KCNQ1: variants seen among roughly 807,000 people sequenced by gnomAD.
KCNQ1 encodes the protein potassium voltage-gated channel subfamily KQT member 1.
KCNQ1 carries 49 observed loss-of-function variants against 72.4 expected under a neutral mutation model. That is an observed-to-expected ratio of 0.68 (90% CI 0.54 to 0.86). The LOEUF (loss-of-function observed/expected upper bound fraction) is 0.86. Ranked by LOEUF, KCNQ1 falls within the 40% of genes least tolerant of loss-of-function variation. KCNQ1 has a pLI of 0.00. For synonymous variants in KCNQ1, 450 were observed against 412.6 expected, an observed-to-expected ratio of 1.09 and a Z score of -1.10; for missense variants, 790 against 945.1, an observed-to-expected ratio of 0.84 and a Z score of 2.15.
chr11:2,582,230 C>A (rs773739575), intron 6 of KCNQ1, among the ~76,000 whole-genome samples: 4 of 152,218 alleles, frequency 2.6e-5, no homozygotes, highest in Non-Finnish European at 5.9e-5. Context: ...CCTCTCTGTC[C>A]GCGTGTGCGC....
chr11:2,797,571 C>T (rs534234720), intron 15 of KCNQ1, among the ~76,000 whole-genome samples: 1 of 152,272 alleles, frequency 6.6e-6, no homozygotes, highest in African/African-American at 2.4e-5. Flanking sequence ...TGCTCCGGAG[C>T]TCGAGGGCCC....
chr11:2,696,865 A>G, intron 11 of KCNQ1: 2 of 398,554 alleles, frequency 5.0e-6, no homozygotes, highest in Non-Finnish European at 8.8e-6. Flanking sequence ...TGCTATTGGC[A>G]TAAAGAAATG....
rs1417333537 is a variant in KCNQ1, at chr11:2,781,213, A to G, written c.1794+3176A>G. Among the ~76,000 whole-genome samples, 2 of 152,168 alleles carry G rather than the reference A, an allele frequency of 1.3e-5. No homozygotes were observed. The highest frequency in any genetic ancestry group is 2.9e-5 in the Non-Finnish European group (2 of 68,024). ...CTGGAGAGGACTCTTATTTGCTCAA[A>G]TGCCCACATAAATCCTCTTTTACAG... is the stretch of plus-strand genomic sequence containing the variant. On this transcript the variant is annotated intron_variant, in intron 15 of 15. Transcript: ENST00000155840. The surrounding 1 kb of genome is among the most constrained non-coding windows in gnomAD (Gnocchi z 6.6).
At chr11:2,525,444 G>A (rs991809971) in intron 1 of KCNQ1, among the ~76,000 whole-genome samples, 1 of 152,268 alleles carries the variant, frequency 6.6e-6, no homozygotes, top group Non-Finnish European at 1.5e-5. Context: ...AGACAGATGA[G>A]AGCAGGGGTG....
In KCNQ1 at chr11:2,496,495, C is replaced by CTTTTTTTTTTTTTTTTTTTTTTTTTTTTT; in HGVS notation, c.387-31408_387-31407insTTTTTTTTTTTTTTTTTTTTTTTTTTTTT. On this transcript the variant is annotated intron_variant, in intron 1 of 15. Coordinates refer to ENST00000155840, the MANE Select transcript of KCNQ1 (RefSeq NM_000218.3). Reference sequence around the variant, plus strand: ...AAAATGGCTAGGATCACAACCCCTGCTTTTTTTTTTTTTTTTTTTTTTTTT... The same window carrying CTTTTTTTTTTTTTTTTTTTTTTTTTTTTT: ...AAAATGGCTAGGATCACAACCCCTGCTTTTTTTTTTTTTTTTTTTTTTTTTTTTTTTTTTTTTTTTTTTTTTTTTTTTTT... 4.2e-3 allele frequency among the ~76,000 whole-genome samples: 124 copies of CTTTTTTTTTTTTTTTTTTTTTTTTTTTTT among 29,842 alleles called. 39 individuals carry two copies. Among genetic ancestry groups the CTTTTTTTTTTTTTTTTTTTTTTTTTTTTT allele is most frequent in the East Asian group, 0.011 (8 of 698 alleles). The allele number at this position is 29,842 out of a possible 152,430, so 19.6% of individuals were successfully genotyped here. A position where few individuals can be genotyped will look rare whatever the true frequency, so the allele number is the denominator to read the frequency against.
chr11:2,677,127 ATCCCTCCCTATTGAACAC>A lies in KCNQ1; in HGVS notation c.1514+15048_1514+15065del. On this transcript the variant is annotated intron_variant, in intron 11 of 15. Coordinates refer to ENST00000155840, the MANE Select transcript of KCNQ1 (RefSeq NM_000218.3). The surrounding 1 kb of genome is among the most constrained non-coding windows in gnomAD (Gnocchi z 4.5). ...CTTATGAAATTAGTTTCCCTGAAAC[ATCCCTCCCTATTGAACAC>A]TGTTGTTTCTCCCTATCCATCTTAT... The A allele has an allele frequency of 2.5e-6, 1 of 398,642 alleles. No individual in the cohort carries two copies. The highest frequency in any genetic ancestry group is 4.4e-6 in the Non-Finnish European group (1 of 226,066). 24.7% of individuals were successfully genotyped at this position (398,642 alleles called of 1,614,324 possible). A position where few individuals can be genotyped will look rare whatever the true frequency, so the allele number is the denominator to read the frequency against.
At position 2,562,704 on chromosome 11, in the gene KCNQ1, C is replaced by T. The variant is rs1232681414; in HGVS notation, c.478-7924C>T. Among the ~76,000 whole-genome samples, 2 of 152,166 alleles carry T rather than the reference C, an allele frequency of 1.3e-5. No individual in the cohort carries two copies. Among genetic ancestry groups the T allele is most frequent in the Admixed American group, 1.3e-4 (2 of 15,274 alleles). ...TCCTAAAAAGTGTGGGTACAGATCT[C>T]AGGCTTTTCAAGGGTGGGTGGATTC... is the stretch of plus-strand genomic sequence containing the variant. On this transcript the variant is annotated intron_variant, in intron 2 of 15. Coordinates refer to ENST00000155840, the MANE Select transcript of KCNQ1 (RefSeq NM_000218.3). The surrounding 1 kb of genome is among the most constrained non-coding windows in gnomAD (Gnocchi z 7.5).
Position 2,562,320 on chromosome 11 carries a change from G to A in KCNQ1, c.478-8308G>A, listed in dbSNP as rs956491982. Among the ~76,000 whole-genome samples, 1 of 152,158 alleles carries A rather than the reference G, an allele frequency of 6.6e-6. No homozygotes were observed. The highest frequency in any genetic ancestry group is 2.4e-5 in the African/African-American group (1 of 41,448). The stretch of plus-strand genomic sequence containing the variant: ...ACAGGCTGGCGGCTGGGAGCAGCTG[G>A]CCACAGGCAGGCCCTGGGACAAAGG... On this transcript the variant is annotated intron_variant, in intron 2 of 15. Transcript: ENST00000155840. This position sits in a 1 kb window ranked among gnomAD's most constrained non-coding sequence, Gnocchi z 7.5.
intron 1 of KCNQ1, among the ~76,000 whole-genome samples, chr11:2,466,439 G>A (rs919280005): frequency 1.1e-4 from 17 of 152,198 alleles, no homozygotes; most frequent in Non-Finnish European, 8.8e-5. Context: ...CCCCTCCTGG[G>A]CCTGGGGCTG....
rs112549195 is a variant in KCNQ1, at chr11:2,491,584, C to T, written c.387-36344C>T. On this transcript the variant is annotated intron_variant, in intron 1 of 15. Coordinates refer to ENST00000155840, the MANE Select transcript of KCNQ1 (RefSeq NM_000218.3). This position sits in a 1 kb window ranked among gnomAD's most constrained non-coding sequence, Gnocchi z 4.1. ...AATGAAGCATGATCTAGAAAATAGC[C>T]TCAAAAGGGCAAATCTAAGATTTAT... Among the ~76,000 whole-genome samples the T allele has an allele frequency of 3.3e-3, 498 of 152,120 alleles. 3 individuals carry two copies. Among genetic ancestry groups the T allele is most frequent in the African/African-American group, 0.011 (468 of 41,490 alleles).
chr11:2,597,275 T>C (rs899550740), intron 10 of KCNQ1, among the ~76,000 whole-genome samples: 144 of 152,194 alleles, frequency 9.5e-4, no homozygotes, highest in African/African-American at 3.5e-3. Context: ...TGGAGATAAA[T>C]AAGGCAATTT....
intron 11 of KCNQ1, among the ~76,000 whole-genome samples, chr11:2,709,003 TA>T (rs1310031846): frequency 1.3e-5 from 2 of 151,994 alleles, no homozygotes; most frequent in Non-Finnish European, 2.9e-5. Flanking sequence ...AGCATATGTT[TA>T]AAAGAGCTGA....
chr11:2,660,801 A>G (rs1307754835), intron 10 of KCNQ1: 1 of 398,492 alleles, frequency 2.5e-6, no homozygotes, highest in Non-Finnish European at 4.4e-6. Flanking sequence ...CAATCTAGCA[A>G]CATTTATTAA....
rs1403934145 is a variant in KCNQ1, at chr11:2,543,535, A to G, written c.477+15517A>G. The stretch of plus-strand genomic sequence containing the variant: ...GCGATCCCCTTGCCTCGGCCTCCCA[A>G]AGCGCTGGAATTACAGGTGTGAGCC... On this transcript the variant is annotated intron_variant, in intron 2 of 15. Transcript: ENST00000155840. This position sits in a 1 kb window ranked among gnomAD's most constrained non-coding sequence, Gnocchi z 5.6. Among the ~76,000 whole-genome samples, 3 of 152,166 alleles carry G rather than the reference A, an allele frequency of 2.0e-5. No homozygotes were observed. Among genetic ancestry groups the G allele is most frequent in the Admixed American group, 6.5e-5 (1 of 15,282 alleles).
At position 2,726,345 on chromosome 11, in the gene KCNQ1, G is replaced by A. The variant is rs78680799; in HGVS notation, c.1515-42499G>A. On this transcript the variant is annotated intron_variant, in intron 11 of 15. Transcript: ENST00000155840. ...GCCCCTGGATGGGTTTGGGGGAACTGCAGCATCCTCAGATCACAGACGGTG... is the reference window on the plus strand; with the variant it reads ...GCCCCTGGATGGGTTTGGGGGAACTACAGCATCCTCAGATCACAGACGGTG... 7.5e-3 allele frequency among the ~76,000 whole-genome samples: 1,145 copies of A among 152,356 alleles called. 53 individuals carry two copies. The East Asian group carries it at 0.13, about 17-fold the overall frequency.
Position 2,498,109 on chromosome 11 carries a change from C to T in KCNQ1, c.387-29819C>T, listed in dbSNP as rs959459520. ...CTCTCCTGTTTGAGGTGTCTGTTGA[C>T]CCCTGTTGGGAGGTCTTGCCTGCTC... On this transcript the variant is annotated intron_variant, in intron 1 of 15. Coordinates refer to ENST00000155840, the MANE Select transcript of KCNQ1 (RefSeq NM_000218.3). The surrounding 1 kb of genome is among the most constrained non-coding windows in gnomAD (Gnocchi z 4.8). Among the ~76,000 whole-genome samples, 3 of 152,198 alleles carry T rather than the reference C, an allele frequency of 2.0e-5. No individual in the cohort carries two copies. The highest frequency in any genetic ancestry group is 4.4e-5 in the Non-Finnish European group (3 of 68,034).
In KCNQ1 at chr11:2,497,434, T is replaced by G. The variant is rs187995352; in HGVS notation, c.387-30494T>G. 4.5e-3 allele frequency among the ~76,000 whole-genome samples: 685 copies of G among 152,316 alleles called. 6 individuals are homozygous for G. The highest frequency in any genetic ancestry group is 0.016 in the African/African-American group (667 of 41,564). On this transcript the variant is annotated intron_variant, in intron 1 of 15. Transcript: ENST00000155840. The surrounding 1 kb of genome is among the most constrained non-coding windows in gnomAD (Gnocchi z 4.5). ...TTAAGTTGATCTTCAATCTCTGATATCCTTTCTTCCACTTGATTCATTTGG... is the reference window on the plus strand; with the variant it reads ...TTAAGTTGATCTTCAATCTCTGATAGCCTTTCTTCCACTTGATTCATTTGG...
rs12575222 is a variant in KCNQ1, at chr11:2,745,695, A to G, written c.1515-23149A>G. Among the ~76,000 whole-genome samples the G allele has an allele frequency of 3.5e-3, 528 of 152,310 alleles. 19 individuals carry two copies. In the East Asian group the frequency reaches 0.083, roughly 24 times the overall value. On this transcript the variant is annotated intron_variant, in intron 11 of 15. Coordinates refer to ENST00000155840, the MANE Select transcript of KCNQ1 (RefSeq NM_000218.3). This position sits in a 1 kb window ranked among gnomAD's most constrained non-coding sequence, Gnocchi z 6.2. ...CTGGGCCTCAGCACCCGGCGGAGGC[A>G]GGGGCTTCCTCTGACACGATACAGG...
intron 10 of KCNQ1, chr11:2,630,882 T>C (rs1849341472): frequency 2.5e-6 from 1 of 398,438 alleles, no homozygotes; most frequent in Admixed American, 4.4e-5. Context: ...TTTTTATCTT[T>C]CAGAACTTTG....
Sources: allele counts gnomAD v4.1 joint callset (sites outside exome capture counted in the v4.1 genomes callset), GRCh38; gene constraint gnomAD v4.1.1; non-coding constraint Gnocchi (gnomAD v3.1); transcripts MANE v1.5; gene names NCBI Gene and HGNC (gene_info 2026-07-23, HGNC 2026-07-21).